Variants in ACOX1 observed in about 807,000 individuals in gnomAD.
The protein encoded by ACOX1 is acyl-CoA oxidase 1.
ACOX1 carries 41 observed loss-of-function variants against 75.5 expected under a neutral mutation model. The observed-to-expected ratio is 0.54, with a 90% CI of 0.42 to 0.70. The LOEUF (loss-of-function observed/expected upper bound fraction) is 0.70, where lower values mean the gene tolerates loss of function less well. Ranked by LOEUF, ACOX1 falls within the 30% of genes least tolerant of loss-of-function variation. The pLI is 0.00. For missense variants in ACOX1, 630 were observed against 837.5 expected (o/e 0.75, Z 3.06); for synonymous variants, 303 against 298.8 (o/e 1.01, Z -0.15).
At position 75,978,740 on chromosome 17, in the gene ACOX1, C is replaced by T; in HGVS notation, c.110-47G>A. On this transcript the variant is annotated intron_variant, in intron 1 of 13. Transcript: ENST00000293217. This position sits in a 1 kb window ranked among gnomAD's most constrained non-coding sequence, Gnocchi z 4.2. ...TTAAAAGGCAGACAGACACTCGGGC[C>T]TCCGTTCCACCCTCCCTGAATCACA... 3 of 1,612,368 alleles carry T rather than the reference C, an allele frequency of 1.9e-6. No homozygotes were observed. The highest frequency in any genetic ancestry group is 2.5e-6 in the Non-Finnish European group (3 of 1,179,992).
intron 2 of ACOX1, among the ~76,000 whole-genome samples, chr17:75,965,392 A>T (rs1238797315): frequency 6.6e-6 from 1 of 151,686 alleles, no homozygotes; most frequent in Non-Finnish European, 1.5e-5. Flanking sequence ...GGGTGGGAAA[A>T]AAAGATAAAA....
chr17:75,948,715 T>C (rs554395547), intron 12 of ACOX1, among the ~76,000 whole-genome samples: 1 of 152,124 alleles, frequency 6.6e-6, no homozygotes, highest in African/African-American at 2.4e-5. Context: ...CCAGCACACC[T>C]GGCTAATTTT....
intron 12 of ACOX1, among the ~76,000 whole-genome samples, chr17:75,948,827 GGCAT>G (rs2065746412): frequency 1.3e-5 from 2 of 151,618 alleles, no homozygotes; most frequent in Admixed American, 6.6e-5. Flanking sequence ...TGGGATTACA[GGCAT>G]GAGCCACTGT....
chr17:75,953,360 A>G (rs1200959622), intron 7 of ACOX1, 91 bp downstream of exon 7: 7 of 1,470,846 alleles, frequency 4.8e-6, no homozygotes, highest in Non-Finnish European at 6.6e-6. Context: ...GTGCTAATGC[A>G]TCTTCTGTAT....
intron 4 of ACOX1, among the ~76,000 whole-genome samples, chr17:75,957,008 T>TATATATACACACAC (rs1555617568): frequency 9.1e-6 from 1 of 110,202 alleles, no homozygotes; most frequent in African/African-American, 3.7e-5. Flanking sequence ...TATATATATA[T>TATATATACACACAC]ACACACACAC....
At chr17:75,953,769 C>G (rs1035393964) in intron 6 of ACOX1, 149 bp from the exon 7 acceptor site, 6 of 960,726 alleles carry the variant, frequency 6.2e-6, no homozygotes, top group Middle Eastern at 3.1e-4. Flanking sequence ...CCCTGACCAA[C>G]TGAATCAGAA....
Position 75,960,077 on chromosome 17 carries a change from C to G in ACOX1, c.430+138G>C. ...CACCAAAGCAGTGTTTATACCAAAA[C>G]CTGGACTCTGCAGAAAGAGCTCATT... is the stretch of plus-strand genomic sequence containing the variant. On this transcript the variant is annotated intron_variant, in intron 3 of 13. Transcript: ENST00000293217. This position sits in a 1 kb window ranked among gnomAD's most constrained non-coding sequence, Gnocchi z 4.4. 1 of 1,048,960 alleles carries G rather than the reference C, an allele frequency of 9.5e-7. No individual in the cohort carries two copies. Among genetic ancestry groups the G allele is most frequent in the Non-Finnish European group, 1.4e-6 (1 of 712,914 alleles). 65.0% of individuals were successfully genotyped at this position (1,048,960 alleles called of 1,614,324 possible).
intron 2 of ACOX1, among the ~76,000 whole-genome samples, chr17:75,971,467 C>A (rs986094741): frequency 6.6e-6 from 1 of 151,912 alleles, no homozygotes; most frequent in South Asian, 2.1e-4. Flanking sequence ...GCAGGCCGGG[C>A]GTGGTGACTC....
rs55762557 is a variant in ACOX1 at position 75,970,184 on chromosome 17, C to CA, written c.269+8349dup. 9.7e-3 allele frequency among the ~76,000 whole-genome samples: 672 copies of CA among 69,018 alleles called. 20 individuals are homozygous for CA. The highest frequency in any genetic ancestry group is 0.078 in the East Asian group (216 of 2,758). 45.3% of individuals were successfully genotyped at this position (69,018 alleles called of 152,430 possible). A position where few individuals can be genotyped will look rare whatever the true frequency, so the allele number is the denominator to read the frequency against. ...CAGCTTGGGCAACATGAGACTCCTT[C>CA]AAAAAAAAAAAAAAAAAGAGGAAGG... On this transcript the variant is annotated intron_variant, in intron 2 of 13. Coordinates refer to ENST00000293217, the MANE Select transcript of ACOX1 (RefSeq NM_004035.7).
intron 2 of ACOX1, among the ~76,000 whole-genome samples, chr17:75,969,404 G>T (rs756137471): frequency 6.6e-6 from 1 of 152,182 alleles, no homozygotes; most frequent in African/African-American, 2.4e-5. Flanking sequence ...GACCTCAGGT[G>T]ATCCACCCAC....
chr17:75,974,050 C>G (rs59571217), intron 2 of ACOX1, among the ~76,000 whole-genome samples: 36 of 151,874 alleles, frequency 2.4e-4, no homozygotes, highest in Non-Finnish European at 8.8e-5. Flanking sequence ...CAAATTCTAC[C>G]TAAGTTTTAG....
chr17:75,975,047 C>G (rs1228529501), intron 2 of ACOX1, among the ~76,000 whole-genome samples: 2 of 84,558 alleles, frequency 2.4e-5, no homozygotes, highest in Admixed American at 1.6e-4. Flanking sequence ...GAGACTCTGT[C>G]TCCAAAAAAA....
intron 2 of ACOX1, among the ~76,000 whole-genome samples, chr17:75,967,991 G>C (rs1327894296): frequency 3.3e-5 from 5 of 150,366 alleles, no homozygotes; most frequent in Non-Finnish European, 7.4e-5. Context: ...CACCCACTTC[G>C]GCCTCCCAAA....
At chr17:75,956,027 T>C in intron 4 of ACOX1, 80 bp from the exon 5 acceptor site, 8 of 1,586,382 alleles carry the variant, frequency 5.0e-6, no homozygotes, top group East Asian at 2.2e-5. Flanking sequence ...AGAAAGAATA[T>C]GTTAAATCTA....
chr17:75,957,486 T>G lies in ACOX1; in HGVS notation c.511A>C (p.Thr171Pro). 6.2e-7 allele frequency: 1 copy of G among 1,613,994 alleles called. No homozygotes were observed. The highest frequency in any genetic ancestry group is 8.5e-7 in the Non-Finnish European group (1 of 1,179,974). The change falls in exon 4 of 14, where the codon ACC (threonine) becomes CCC (proline). Residue 171 changes from threonine (T) to proline (P), a missense_variant. By Grantham distance (38) the Thr-to-Pro change is conservative (BLOSUM62 -1). Transcript: ENST00000293217. ...QEFILNSPTV[T>P]SIKWWPGGLG... is the part of the protein sequence containing the mutation. ...CCACCAGGCCACCATTTAATGGAGG[T>G]CACAGTAGGACTGTTGAGAATGAAC...
At position 75,953,438 on chromosome 17, in the gene ACOX1, A is replaced by T; in HGVS notation, c.944+13T>A. 1 of 1,613,216 alleles carries T rather than the reference A, an allele frequency of 6.2e-7. No homozygotes were observed. Among genetic ancestry groups the T allele is most frequent in the Non-Finnish European group, 8.5e-7 (1 of 1,179,556 alleles). On this transcript the variant is annotated intron_variant, in intron 7 of 13. Transcript: ENST00000293217. ...GCCTTTGGTACTGAGCCCATCTAGG[A>T]CCCTATCCTTACCCTGGCTTGATTT...
intron 2 of ACOX1, among the ~76,000 whole-genome samples, chr17:75,970,794 G>T (rs945999462): frequency 1.3e-5 from 2 of 152,204 alleles, no homozygotes; most frequent in African/African-American, 4.8e-5. Context: ...TCTCCTGGAC[G>T]TTGACTTTTT....
intron 2 of ACOX1, among the ~76,000 whole-genome samples, chr17:75,969,358 G>A (rs1431295277): frequency 1.3e-5 from 2 of 151,818 alleles, no homozygotes; most frequent in South Asian, 4.2e-4. Flanking sequence ...TACGGACGGG[G>A]TTTCTCCATG....
rs148322495 is a variant in ACOX1 at position 75,946,971 on chromosome 17, C to T, written c.1936-176G>A. ...ACAGCCTCTGCCTCCCAGACTCCAGCGATCTTCCCACCTTAGCCTCCCGAG... is the reference window on the plus strand; with the variant it reads ...ACAGCCTCTGCCTCCCAGACTCCAGTGATCTTCCCACCTTAGCCTCCCGAG... On this transcript the variant is annotated intron_variant, in intron 13 of 13. Coordinates refer to ENST00000293217, the MANE Select transcript of ACOX1 (RefSeq NM_004035.7). Among the ~76,000 whole-genome samples, 19 of 152,022 alleles carry T rather than the reference C, an allele frequency of 1.2e-4. No homozygotes were observed. In the East Asian group the frequency reaches 3.5e-3, roughly 28 times the overall value.
Sources: gnomAD v4.1 joint callset for allele counts (sites outside exome capture counted in the v4.1 genomes callset) on GRCh38, gnomAD v4.1.1 for gene constraint, Gnocchi (gnomAD v3.1) non-coding constraint, MANE v1.5 for transcripts, NCBI Gene and HGNC (gene_info 2026-07-23, HGNC 2026-07-21) for gene names.